ALMS1: variants seen among roughly 807,000 people sequenced by gnomAD.
ALMS1 encodes centrosome-associated protein ALMS1.
Under a neutral mutation model 352.2 loss-of-function variants are expected in ALMS1, and 271 were observed. That is an observed-to-expected ratio of 0.77 (90% CI 0.70 to 0.85). The LOEUF (loss-of-function observed/expected upper bound fraction) is 0.85, where lower values mean the gene tolerates loss of function less well. Among genes scored for constraint, ALMS1 ranks in the 40% least tolerant of loss-of-function variants. The probability of loss-of-function intolerance (pLI) is 0.00; values close to 1 mark genes in which losing one functional copy is unlikely to be tolerated. For synonymous variants in ALMS1, 1,865 were observed against 1,761.2 expected, an observed-to-expected ratio of 1.06 and a Z score of -1.48; for missense variants, 5,445 against 4,870.7, an observed-to-expected ratio of 1.12 and a Z score of -3.51.
intron 16 of ALMS1, among the ~76,000 whole-genome samples, chr2:73,585,846 A>C: frequency 6.7e-6 from 1 of 150,170 alleles, no homozygotes; most frequent in African/African-American, 2.5e-5. Context: ...CTTCTGCCTC[A>C]GCCTCTGGAG....
At chr2:73,530,789 A>G (rs1673893231) in intron 11 of ALMS1, among the ~76,000 whole-genome samples, 2 of 152,190 alleles carry the variant, frequency 1.3e-5, no homozygotes, top group South Asian at 4.2e-4. Context: ...CCAAAGTTCA[A>G]CTCTTGTCTT....
chr2:73,518,082 C>T (rs1359259676), intron 10 of ALMS1, among the ~76,000 whole-genome samples: 1 of 151,292 alleles, frequency 6.6e-6, no homozygotes, highest in Non-Finnish European at 1.5e-5. Flanking sequence ...GCGTGGTACC[C>T]AGTAGTTTTT....
At position 73,451,145 on chromosome 2, in the gene ALMS1, G is replaced by C; in HGVS notation, c.4618G>C (p.Gly1540Arg). The C allele has an allele frequency of 6.2e-7, 1 of 1,613,632 alleles. No individual in the cohort carries two copies. The highest frequency in any genetic ancestry group is 8.5e-7 in the Non-Finnish European group (1 of 1,179,838). ...SGSFYQLALL[G>R]SQIPEEALRV... ...CAGTTTCTACCAACTGGCATTGCTA[G>C]GTAGTCAAATACCTGAAGAGGCTCT... The change falls in exon 8 of 23, where the codon GGT (glycine) becomes CGT (arginine). Residue 1540 changes from glycine to arginine, a missense_variant. By Grantham distance (125) the Gly-to-Arg change is moderately radical. Coordinates refer to ENST00000613296, the MANE Select transcript of ALMS1 (RefSeq NM_001378454.1).
intron 16 of ALMS1, among the ~76,000 whole-genome samples, chr2:73,579,671 A>T (rs1675132539): frequency 6.6e-6 from 1 of 152,094 alleles, no homozygotes; most frequent in South Asian, 2.1e-4. Context: ...CTTGTCTTAC[A>T]CTTTTTATCT....
chr2:73,461,119 T>A (rs1327870910), intron 9 of ALMS1, among the ~76,000 whole-genome samples: 1 of 152,208 alleles, frequency 6.6e-6, no homozygotes, highest in Non-Finnish European at 1.5e-5. Context: ...GCTGGAGATG[T>A]GAGAATGGGC....
At chr2:73,603,687 C>G (rs898632834) in intron 21 of ALMS1, 1 of 271,782 alleles carries the variant, frequency 3.7e-6, no homozygotes, top group African/African-American at 2.3e-5. Flanking sequence ...TGGTGAAACT[C>G]CATCTCTACT....
At chr2:73,411,041 C>T (rs1210729719) in intron 2 of ALMS1, among the ~76,000 whole-genome samples, 1 of 151,780 alleles carries the variant, frequency 6.6e-6, no homozygotes. Context: ...CGAATTGTGC[C>T]CTCCCAAATT....
chr2:73,570,366 A>G (rs1159423560), intron 15 of ALMS1, among the ~76,000 whole-genome samples: 1 of 152,222 alleles, frequency 6.6e-6, no homozygotes, highest in African/African-American at 2.4e-5. Flanking sequence ...GATTACCTAG[A>G]AAGAGAATAT....
intron 2 of ALMS1, among the ~76,000 whole-genome samples, chr2:73,414,473 G>GTTTT (rs61660489): frequency 2.0e-4 from 13 of 66,434 alleles, no homozygotes; most frequent in African/African-American, 4.7e-4. Flanking sequence ...CTTTTTTTCC[G>GTTTT]TTTTTTTTTT....
At chr2:73,559,740 T>G (rs1674619356) in intron 15 of ALMS1, among the ~76,000 whole-genome samples, 1 of 152,066 alleles carries the variant, frequency 6.6e-6, no homozygotes, top group African/African-American at 2.4e-5. Context: ...ATATACAAAA[T>G]AAATGATTTT....
intron 10 of ALMS1, among the ~76,000 whole-genome samples, chr2:73,517,246 C>CTTTTTTTATTTTTTTTTTTTTTTTT (rs1673578194): frequency 9.5e-6 from 1 of 105,000 alleles, no homozygotes; most frequent in Admixed American, 1.1e-4. Flanking sequence ...AAGTTTTAGT[C>CTTTTTTTATTTTTTTTTTTTTTTTT]TTTTTTTTTT....
rs1672273255 is a variant in ALMS1 at position 73,464,195 on chromosome 2, A to C, written c.7674+8900A>C. Among the ~76,000 whole-genome samples the C allele has an allele frequency of 2.6e-5, 4 of 152,356 alleles. No individual in the cohort carries two copies. In the South Asian group the frequency reaches 8.3e-4, roughly 32 times the overall value. On this transcript the variant is annotated intron_variant, in intron 9 of 22. Coordinates refer to ENST00000613296, the MANE Select transcript of ALMS1 (RefSeq NM_001378454.1). ...GATGAACATTGATGCAAAAATCCTCAATAAAATACTGGCAAACTGAATCCA... is the reference window on the plus strand; with the variant it reads ...GATGAACATTGATGCAAAAATCCTCCATAAAATACTGGCAAACTGAATCCA...
intron 6 of ALMS1, among the ~76,000 whole-genome samples, chr2:73,431,149 C>T (rs1035734947): frequency 2.0e-5 from 3 of 152,112 alleles, no homozygotes; most frequent in Non-Finnish European, 2.9e-5. Context: ...GTAACATCCC[C>T]TCCCCTCACA....
At chr2:73,581,722 A>G (rs980395195) in intron 16 of ALMS1, among the ~76,000 whole-genome samples, 3 of 151,966 alleles carry the variant, frequency 2.0e-5, no homozygotes, top group African/African-American at 7.3e-5. Flanking sequence ...CTGACCATCA[A>G]AATAACTAGA....
rs535079189 is a variant in ALMS1, at chr2:73,491,366, A to G, written c.9407A>G (p.Asn3136Ser). The change falls in exon 10 of 23, where the codon AAC (asparagine) becomes AGC (serine). Residue 3136 changes from asparagine to serine, a missense_variant. Physicochemically the swap from Asn to Ser is conservative, Grantham distance 46. Transcript: ENST00000613296. The part of the protein sequence containing the change: ...QVVQPSLPDS[N>S]TITQDLKTIP... ...GTACAGCCTTCTCTTCCAGACAGTA[A>G]CACTATTACTCAGGACTTGAAAACC... The G allele has an allele frequency of 3.1e-6, 5 of 1,614,148 alleles. No homozygotes were observed. The African/African-American group carries it at 5.3e-5, about 17-fold the overall frequency.
chr2:73,579,486 G>C (rs1287369075), intron 16 of ALMS1, among the ~76,000 whole-genome samples: 1 of 151,516 alleles, frequency 6.6e-6, no homozygotes, highest in African/African-American at 2.4e-5. Flanking sequence ...TCAGCCTCCT[G>C]AGTAGCTGGG....
intron 9 of ALMS1, among the ~76,000 whole-genome samples, chr2:73,488,053 T>G (rs1390280937): frequency 6.6e-6 from 1 of 152,222 alleles, no homozygotes; most frequent in African/African-American, 2.4e-5. Context: ...TAAGTTCTCC[T>G]TTCTGCGAAA....
At chr2:73,539,450 T>C (rs1484507186) in intron 12 of ALMS1, among the ~76,000 whole-genome samples, 1 of 148,242 alleles carries the variant, frequency 6.7e-6, no homozygotes, top group Non-Finnish European at 1.5e-5. Context: ...AAACTGAAAA[T>C]TCTAAAAATC....
At chr2:73,423,792 T>C (rs79338127) in intron 4 of ALMS1, among the ~76,000 whole-genome samples, 42 of 152,220 alleles carry the variant, frequency 2.8e-4, no homozygotes, top group African/African-American at 9.6e-4. Flanking sequence ...CTTTTTTTTT[T>C]CTTTAGATGG....
Sources: allele counts gnomAD v4.1 joint callset (sites outside exome capture counted in the v4.1 genomes callset), GRCh38; gene constraint gnomAD v4.1.1; transcripts MANE v1.5; gene names NCBI Gene and HGNC (gene_info 2026-07-23, HGNC 2026-07-21).